Variants in RP1 observed in about 807,000 individuals in gnomAD.
The protein encoded by RP1 is oxygen-regulated protein 1.
A neutral mutation model predicts 14.8 loss-of-function variants in RP1; 16 were observed. That is an observed-to-expected ratio of 1.08 (90% CI 0.73 to 1.65). RP1 has a LOEUF of 1.65. Ranked by LOEUF, RP1 falls within the 40% of genes most tolerant of loss-of-function variation. The pLI is 0.00. For missense variants in RP1, 2,631 were observed against 2,535.0 expected (o/e 1.04, Z -0.81); for synonymous variants, 876 against 883.6 (o/e 0.99, Z 0.15).
At chr8:54,735,311 G>A (rs77304190) in intron 18 of RP1, among the ~76,000 whole-genome samples, 4,419 of 152,202 alleles carry the variant, frequency 0.029, 127 homozygotes, top group African/African-American at 0.065. Context: ...GGCTGCTTAA[G>A]TTTGCATGTA....
At chr8:54,815,553 G>A (rs951224505) in intron 24 of RP1, among the ~76,000 whole-genome samples, 2 of 152,140 alleles carry the variant, frequency 1.3e-5, no homozygotes, top group Admixed American at 6.6e-5. Flanking sequence ...GATTACAAAC[G>A]AAGTCTGGAA....
intron 28 of RP1, among the ~76,000 whole-genome samples, chr8:54,867,735 G>C (rs961256535): frequency 6.6e-6 from 1 of 152,170 alleles, no homozygotes; most frequent in Non-Finnish European, 1.5e-5. Context: ...CATGTGTCTA[G>C]TATTTAGAAC....
At position 54,621,420 on chromosome 8, in the gene RP1, C is replaced by T. The variant is rs1482517823; in HGVS notation, c.454C>T (p.Pro152Ser). 1.9e-6 allele frequency: 3 copies of T among 1,613,458 alleles called. No homozygotes were observed. Among genetic ancestry groups the T allele is most frequent in the African/African-American group, 1.3e-5 (1 of 74,912 alleles). Residue 152 changes from proline to serine, a missense_variant, in exon 2 of 4, where the codon CCC becomes TCC. Pro to Ser is a moderately conservative substitution (Grantham distance 74). Transcript: ENST00000220676. The part of the protein sequence containing the change: ...VAVAAPGMPR[P>S]PRSLVVFRNG... ...CGTCGCTGCTCCCGGCATGCCCCGC[C>T]CCCCACGGAGCCTAGTGGTCTTCAG...
chr8:54,571,106 G>A (rs1246928319), intron 1 of RP1, among the ~76,000 whole-genome samples: 1 of 152,138 alleles, frequency 6.6e-6, no homozygotes, highest in Non-Finnish European at 1.5e-5. Flanking sequence ...CTTAGAGAAA[G>A]GGGAGGCCCT....
intron 19 of RP1, among the ~76,000 whole-genome samples, chr8:54,752,250 A>C (rs977987405): frequency 1.3e-5 from 2 of 152,256 alleles, no homozygotes; most frequent in Non-Finnish European, 2.9e-5. Context: ...TTAATCATTG[A>C]AATAAATGTG....
upstream of RP1, among the ~76,000 whole-genome samples, chr8:54,614,696 G>T (rs572739250): frequency 6.6e-6 from 1 of 152,282 alleles, no homozygotes; most frequent in African/African-American, 2.4e-5. Context: ...AGCCCATTTT[G>T]TGCTGTCTTA....
At chr8:54,857,225 CTTATT>C (rs890008743) in intron 27 of RP1, 10 of 241,704 alleles carry the variant, frequency 4.1e-5, no homozygotes, top group African/African-American at 2.1e-4. Context: ...AGAAAATAAT[CTTATT>C]TTATATTATA....
intron 1 of RP1, among the ~76,000 whole-genome samples, chr8:54,577,814 C>T (rs1389622409): frequency 6.6e-6 from 1 of 152,214 alleles, no homozygotes; most frequent in Non-Finnish European, 1.5e-5. Context: ...CATTGTTCAA[C>T]TGCATTGTTA....
At chr8:54,575,355 C>A (rs1586392759) in intron 1 of RP1, among the ~76,000 whole-genome samples, 1 of 152,050 alleles carries the variant, frequency 6.6e-6, no homozygotes, top group Middle Eastern at 3.4e-3. Flanking sequence ...GAAGAACAAA[C>A]AATGTCTATT....
At chr8:54,658,039 A>C (rs1334893764) in intron 6 of RP1, among the ~76,000 whole-genome samples, 1 of 152,178 alleles carries the variant, frequency 6.6e-6, no homozygotes, top group Non-Finnish European at 1.5e-5. Flanking sequence ...ACAAAGCTGA[A>C]ACTCTATATC....
Position 54,626,050 on chromosome 8 carries a change from G to A in RP1, c.2168G>A (p.Gly723Glu), listed in dbSNP as rs761097212. Residue 723 changes from glycine to glutamate, a missense_variant, in exon 4 of 4, where the codon GGA becomes GAA. Coordinates refer to ENST00000220676, the MANE Select transcript of RP1 (RefSeq NM_006269.2). ...CAAGATTCAGATAGTCCCCTTAAAG[G>A]AGGGATACTTTGTGAGGAAGACCTC... ...IVQDSDSPLK[G>E]GILCEEDLQK... is the part of the protein sequence containing the mutation. 3 of 1,613,810 alleles carry A rather than the reference G, an allele frequency of 1.9e-6. No homozygotes were observed. In the South Asian group the frequency reaches 3.3e-5, roughly 18 times the overall value.
At chr8:54,622,752 C>G (rs1805916682) in intron 3 of RP1, among the ~76,000 whole-genome samples, 1 of 152,160 alleles carries the variant, frequency 6.6e-6, no homozygotes, top group Non-Finnish European at 1.5e-5. Flanking sequence ...ATCACAGGTT[C>G]TTAGATCCAC....
intron 7 of RP1, among the ~76,000 whole-genome samples, chr8:54,667,177 A>G (rs1807038069): frequency 6.6e-6 from 1 of 152,056 alleles, no homozygotes; most frequent in Non-Finnish European, 1.5e-5. Flanking sequence ...CACGGGAGCC[A>G]TCATTTTGAA....
intron 12 of RP1, among the ~76,000 whole-genome samples, chr8:54,686,388 G>GTTT (rs34796652): frequency 1.6e-4 from 23 of 147,760 alleles, no homozygotes; most frequent in Admixed American, 3.4e-4. Context: ...TCCAGAAAAA[G>GTTT]TTTTTTTTTT....
At chr8:54,596,786 G>A (rs1056665880) in intron 1 of RP1, among the ~76,000 whole-genome samples, 3 of 152,142 alleles carry the variant, frequency 2.0e-5, no homozygotes, top group Non-Finnish European at 2.9e-5. Flanking sequence ...TTCATTTAAA[G>A]GATTAAATAA....
intron 1 of RP1, among the ~76,000 whole-genome samples, chr8:54,616,573 G>A (rs528677178): frequency 3.3e-5 from 5 of 152,268 alleles, no homozygotes; most frequent in African/African-American, 1.2e-4. Context: ...GTGAATAACT[G>A]GTGATTTTCC....
In RP1 at chr8:54,647,401, C is replaced by T. The variant is rs139717793; in HGVS notation, c.788-1584C>T. 7.5e-3 allele frequency among the ~76,000 whole-genome samples: 1,141 copies of T among 151,962 alleles called. 18 individuals are homozygous for T. Among genetic ancestry groups the T allele is most frequent in the African/African-American group, 0.026 (1,081 of 41,454 alleles). ...TGCACTCCAGCTTGGGTGACACCAG[C>T]GAGACTCCCTCTCAAAAAAATAAAA... On this transcript the variant is annotated intron_variant, in intron 3 of 22. Transcript: ENST00000636932.
chr8:54,773,709 G>A (rs1001790862), downstream of RP1, among the ~76,000 whole-genome samples: 1 of 152,128 alleles, frequency 6.6e-6, no homozygotes, highest in South Asian at 2.1e-4. Context: ...CTTGTCCTCA[G>A]TCAAGCAGTT....
intron 24 of RP1, among the ~76,000 whole-genome samples, chr8:54,812,822 A>G (rs1045245970): frequency 1.4e-5 from 2 of 144,970 alleles, no homozygotes; most frequent in Admixed American, 6.9e-5. Context: ...TCCGTCTTCT[A>G]TCATTTATCT....
Sources: allele counts gnomAD v4.1 joint callset (sites outside exome capture counted in the v4.1 genomes callset), GRCh38; gene constraint gnomAD v4.1.1; transcripts MANE v1.5; gene names NCBI Gene and HGNC (gene_info 2026-07-23, HGNC 2026-07-21).